NDRG2: variants seen among roughly 807,000 people sequenced by gnomAD.
NDRG2 encodes protein NDRG2.
In NDRG2, 34 loss-of-function variants were observed where a neutral mutation model predicts 58.2. The observed-to-expected ratio is 0.58, with a 90% confidence interval of 0.44 to 0.78. NDRG2 has a LOEUF of 0.78. Among genes scored for constraint, NDRG2 ranks in the 30% least tolerant of loss-of-function variants. NDRG2 has a pLI of 0.00. For synonymous variants in NDRG2, 187 were observed against 175.9 expected, an observed-to-expected ratio of 1.06 and a Z score of -0.50; for missense variants, 434 against 471.2, an observed-to-expected ratio of 0.92 and a Z score of 0.73.
intron 1 of NDRG2, chr14:21,036,303 T>C (rs1801647534): frequency 2.2e-6 from 1 of 455,730 alleles, no homozygotes; most frequent in African/African-American, 2.0e-5. Flanking sequence ...TTCTTTCGTC[T>C]AAAAGTCTGC....
chr14:21,059,657 C>T (rs912177363), intron 1 of NDRG2, among the ~76,000 whole-genome samples: 19 of 152,028 alleles, frequency 1.2e-4, no homozygotes, highest in African/African-American at 4.6e-4. Context: ...TGGCACCGCA[C>T]CTGGCTAATT....
upstream of NDRG2, among the ~76,000 whole-genome samples, chr14:21,028,278 G>A (rs925629475): frequency 6.7e-6 from 1 of 149,242 alleles, no homozygotes; most frequent in Non-Finnish European, 1.5e-5. Flanking sequence ...TTTTGAGATG[G>A]GGTCTCTCTG....
rs1249019349 is a variant in NDRG2 at position 21,024,784 on chromosome 14, G to A, written c.-761C>T. On this transcript the variant is annotated 5_prime_UTR_variant, in exon 1 of 16. Transcript: ENST00000556147. Reference sequence around the variant, plus strand: ...AGTCCCTACGCAGCCCGTCCGCGTGGAGACTGACACCCTTGCGTGGCCGGT... The same window carrying A: ...AGTCCCTACGCAGCCCGTCCGCGTGAAGACTGACACCCTTGCGTGGCCGGT... The A allele has an allele frequency of 1.0e-6, 1 of 985,500 alleles. No homozygotes were observed. Among genetic ancestry groups the A allele is most frequent in the African/African-American group, 1.7e-5 (1 of 57,240 alleles). 61.0% of individuals were successfully genotyped at this position (985,500 alleles called of 1,614,324 possible).
At chr14:21,028,529 T>A (rs1416694121), upstream of NDRG2, 1 of 152,166 alleles carries the variant, frequency 6.6e-6, no homozygotes, top group African/African-American at 2.4e-5. Flanking sequence ...ATAATGTTGA[T>A]GAGAGGTGGG....
At chr14:21,031,935 G>A (rs755140865) in intron 1 of NDRG2, 68 of 1,614,048 alleles carry the variant, frequency 4.2e-5, no homozygotes, top group Middle Eastern at 1.6e-4. Flanking sequence ...ACAGACACCA[G>A]CAAGTACACC....
intron 1 of NDRG2, among the ~76,000 whole-genome samples, chr14:21,063,621 C>T (rs1042178295): frequency 2.0e-5 from 3 of 152,168 alleles, no homozygotes; most frequent in Non-Finnish European, 4.4e-5. Flanking sequence ...AATGACTTCA[C>T]GCTGTTGGAA....
intron 14 of NDRG2, 42 bp from the exon 15 acceptor site, chr14:21,018,080 T>C (rs761844462): frequency 6.2e-7 from 1 of 1,607,866 alleles, no homozygotes; most frequent in Non-Finnish European, 8.5e-7. Flanking sequence ...TGAGATGAGG[T>C]TAGAGGAAGA....
At chr14:21,034,243 C>G (rs1185765743) in intron 1 of NDRG2, 1 of 1,613,876 alleles carries the variant, frequency 6.2e-7, no homozygotes, top group Admixed American at 1.7e-5. Flanking sequence ...AGAGTTGGCC[C>G]CAGAACAAGC....
chr14:21,037,833 C>T (rs1431869654), intron 1 of NDRG2, among the ~76,000 whole-genome samples: 1 of 152,156 alleles, frequency 6.6e-6, no homozygotes, highest in Non-Finnish European at 1.5e-5. Flanking sequence ...AGTTGTTTTT[C>T]CTGTAAAGAT....
Position 21,024,468 on chromosome 14 carries a change from C to G in NDRG2, c.-445G>C, listed in dbSNP as rs1882658002. On this transcript the variant is annotated 5_prime_UTR_variant, in exon 1 of 16. Transcript: ENST00000556147. ...TTTCTATCTGCAGGGGGACTAAACG[C>G]GGGGGAATAGGGGATCCCCAAAATT... 8 of 960,598 alleles carry G rather than the reference C, an allele frequency of 8.3e-6. No individual in the cohort carries two copies. Among genetic ancestry groups the G allele is most frequent in the African/African-American group, 1.8e-5 (1 of 56,592 alleles). The allele number at this position is 960,598 out of a possible 1,614,324, so 59.5% of individuals were successfully genotyped here. A position where few individuals can be genotyped will look rare whatever the true frequency, so the allele number is the denominator to read the frequency against.
chr14:21,025,734 GACA>G (rs1003893874), upstream of NDRG2: 13 of 743,734 alleles, frequency 1.7e-5, no homozygotes, highest in African/African-American at 2.2e-4. This position sits in a 1 kb window ranked among gnomAD's most constrained non-coding sequence, Gnocchi z 5.1. Context: ...GGAGAAGTTG[GACA>G]ACAAGGCGGG....
chr14:21,049,839 A>T (rs1349024011), intron 1 of NDRG2, among the ~76,000 whole-genome samples: 1 of 150,292 alleles, frequency 6.7e-6, no homozygotes, highest in East Asian at 1.9e-4. Flanking sequence ...ATCTCGACTC[A>T]TTGCAACCTT....
chr14:21,023,606 G>T, intron 1 of NDRG2: 1 of 402,864 alleles, frequency 2.5e-6, no homozygotes, highest in Non-Finnish European at 4.6e-6. Context: ...CTCTGCCCTG[G>T]ACCAAAATAC....
chr14:21,070,159 G>A lies in NDRG2; in HGVS notation c.24+669C>T, dbSNP rs1458663678. 4 of 224,576 alleles carry A rather than the reference G, an allele frequency of 1.8e-5. No individual in the cohort carries two copies. Among genetic ancestry groups the A allele is most frequent in the Non-Finnish European group, 3.3e-5 (4 of 119,466 alleles). The allele number at this position is 224,576 out of a possible 1,614,324, so 13.9% of individuals were successfully genotyped here. A position where few individuals can be genotyped will look rare whatever the true frequency, so the allele number is the denominator to read the frequency against. ...TCTCGGCGCGGGAGACAGAGTCCCG[G>A]CAAGGGGTCCCGCGCGGAGGCGGGG... On this transcript the variant is annotated intron_variant, in intron 1 of 14. Transcript: ENST00000403829. The surrounding 1 kb of genome is among the most constrained non-coding windows in gnomAD (Gnocchi z 4.7).
chr14:21,070,245 C>G lies in NDRG2; in HGVS notation c.24+583G>C, dbSNP rs1273255077. ...GTCTCGGCCCTCCCTGGCGGGGCCC[C>G]GCGGCCTGGAAGCCGGAGCGGGCCG... is the stretch of plus-strand genomic sequence containing the variant. On this transcript the variant is annotated intron_variant, in intron 1 of 14. Coordinates refer to the NDRG2 transcript ENST00000403829. This position sits in a 1 kb window ranked among gnomAD's most constrained non-coding sequence, Gnocchi z 4.7. The G allele has an allele frequency of 2.5e-6, 2 of 816,070 alleles. No homozygotes were observed. Among genetic ancestry groups the G allele is most frequent in the East Asian group, 4.4e-5 (1 of 22,804 alleles). The allele number at this position is 816,070 out of a possible 1,614,324, so 50.6% of individuals were successfully genotyped here. A position where few individuals can be genotyped will look rare whatever the true frequency, so the allele number is the denominator to read the frequency against.
chr14:21,031,284 G>C, intron 1 of NDRG2: 1 of 1,341,696 alleles, frequency 7.5e-7, no homozygotes, highest in Non-Finnish European at 1.0e-6. Context: ...AGACTTTAGA[G>C]ATCATCTAGA....
At chr14:21,030,211 C>G (rs1466977567), upstream of NDRG2, 1 of 173,660 alleles carries the variant, frequency 5.8e-6, no homozygotes, top group African/African-American at 2.4e-5. Flanking sequence ...CTCCCTCTGT[C>G]TCCTCATTGC....
At chr14:21,068,999 C>A (rs1384035305) in intron 1 of NDRG2, among the ~76,000 whole-genome samples, 1 of 152,256 alleles carries the variant, frequency 6.6e-6, no homozygotes, top group African/African-American at 2.4e-5. Context: ...GCAGGCGAGG[C>A]CAGACGTTTT....
chr14:21,048,891 T>C (rs960447174), intron 1 of NDRG2, among the ~76,000 whole-genome samples: 2 of 152,120 alleles, frequency 1.3e-5, no homozygotes, highest in Admixed American at 1.3e-4. Context: ...AGGTTCAAGG[T>C]CAGACAAAAA....
Sources: gnomAD v4.1 joint callset for allele counts (sites outside exome capture counted in the v4.1 genomes callset) on GRCh38, gnomAD v4.1.1 for gene constraint, Gnocchi (gnomAD v3.1) non-coding constraint, MANE v1.5 for transcripts, NCBI Gene and HGNC (gene_info 2026-07-23, HGNC 2026-07-21) for gene names.